The following MKLN1 variants were observed in gnomAD, a reference collection of about 807,000 sequenced individuals.
The protein encoded by MKLN1 is muskelin.
MKLN1 carries 18 observed loss-of-function variants against 99.0 expected under a neutral mutation model. The ratio of observed to expected loss-of-function variants is 0.18; its 90% confidence interval spans 0.13 to 0.27. MKLN1 has a LOEUF of 0.27. MKLN1 is among the 10% of genes least tolerant of loss of function. The pLI, the probability that MKLN1 is intolerant of heterozygous loss-of-function variation, is 1.00. For synonymous variants in MKLN1, 288 were observed against 293.2 expected, an observed-to-expected ratio of 0.98 and a Z score of 0.18; for missense variants, 621 against 875.9, an observed-to-expected ratio of 0.71 and a Z score of 3.67.
At chr7:131,201,553 C>T (rs778702298) in intron 2 of MKLN1, among the ~76,000 whole-genome samples, 1 of 152,182 alleles carries the variant, frequency 6.6e-6, no homozygotes, top group African/African-American at 2.4e-5. Flanking sequence ...AATAAGGTTA[C>T]TGGGTAATTC....
At chr7:131,445,474 T>C (rs1037333132) in intron 11 of MKLN1, among the ~76,000 whole-genome samples, 4 of 152,174 alleles carry the variant, frequency 2.6e-5, no homozygotes, top group African/African-American at 7.2e-5. Context: ...TCTCTTTCCC[T>C]CTCTCCCTCT....
intron 3 of MKLN1, among the ~76,000 whole-genome samples, chr7:131,252,984 T>C (rs1479700773): frequency 6.6e-6 from 1 of 152,144 alleles, no homozygotes; most frequent in Non-Finnish European, 1.5e-5. Context: ...AAAAGTTTAG[T>C]GTTATCAAGA....
intron 9 of MKLN1, among the ~76,000 whole-genome samples, chr7:131,433,222 C>G (rs1449992953): frequency 2.0e-5 from 3 of 152,148 alleles, no homozygotes; most frequent in Non-Finnish European, 2.9e-5. Context: ...TTAAAGAGTA[C>G]AGGGCAGTTG....
intron 16 of MKLN1, among the ~76,000 whole-genome samples, chr7:131,474,001 T>C (rs899342574): frequency 3.9e-5 from 6 of 152,028 alleles, no homozygotes; most frequent in African/African-American, 1.4e-4. Flanking sequence ...ATACAAAAAA[T>C]TGGCCGGGCA....
chr7:131,204,706 C>T (rs1796780186), intron 3 of MKLN1, among the ~76,000 whole-genome samples: 1 of 152,120 alleles, frequency 6.6e-6, no homozygotes, highest in African/African-American at 2.4e-5. Context: ...TGGCTCATGC[C>T]TGTAATCCCA....
At chr7:131,153,663 G>T (rs11464378) in intron 2 of MKLN1, among the ~76,000 whole-genome samples, 4 of 135,240 alleles carry the variant, frequency 3.0e-5, no homozygotes, top group South Asian at 2.4e-4. Flanking sequence ...GGTTTTTTTT[G>T]GTTTTTTTTT....
chr7:131,398,831 G>A (rs538895071), intron 5 of MKLN1, among the ~76,000 whole-genome samples: 222 of 152,230 alleles, frequency 1.5e-3, no homozygotes, highest in African/African-American at 5.2e-3. Flanking sequence ...ACCAAAAATA[G>A]CATAATATAA....
At chr7:131,304,144 C>A (rs750320991) in intron 3 of MKLN1, among the ~76,000 whole-genome samples, 8 of 152,012 alleles carry the variant, frequency 5.3e-5, no homozygotes, top group Non-Finnish European at 8.8e-5. Context: ...AAGGCTGAGG[C>A]GGGAGGATCT....
intron 1 of MKLN1, among the ~76,000 whole-genome samples, chr7:131,372,255 C>G (rs1208506279): frequency 6.6e-6 from 1 of 151,928 alleles, no homozygotes; most frequent in Non-Finnish European, 1.5e-5. Flanking sequence ...AGTTCTTTAG[C>G]TTTTAATTGT....
intron 2 of MKLN1, among the ~76,000 whole-genome samples, chr7:131,177,185 T>C (rs988328596): frequency 6.6e-6 from 1 of 152,112 alleles, no homozygotes; most frequent in Admixed American, 6.6e-5. Flanking sequence ...TATAAAAAGA[T>C]TGGGCAGGGC....
At chr7:131,327,789 G>T, upstream of MKLN1, 2 of 1,450,162 alleles carry the variant, frequency 1.4e-6, no homozygotes, top group East Asian at 2.5e-5. Flanking sequence ...TGCGGGGCGG[G>T]GAGCGCGGGC....
At chr7:131,262,797 C>T (rs866772039) in intron 3 of MKLN1, among the ~76,000 whole-genome samples, 1 of 152,052 alleles carries the variant, frequency 6.6e-6, no homozygotes, top group Non-Finnish European at 1.5e-5. Flanking sequence ...CCGCCCACCT[C>T]GGCCTCCCAA....
At chr7:131,307,135 A>T (rs1000900078) in intron 3 of MKLN1, among the ~76,000 whole-genome samples, 95 of 151,724 alleles carry the variant, frequency 6.3e-4, no homozygotes, top group African/African-American at 2.3e-3. Flanking sequence ...GTTGCTCCAG[A>T]GTGTGCTGCC....
chr7:131,214,774 G>A (rs1796954983), intron 3 of MKLN1, among the ~76,000 whole-genome samples: 1 of 152,098 alleles, frequency 6.6e-6, no homozygotes, highest in Non-Finnish European at 1.5e-5. Flanking sequence ...TTCAAATTGG[G>A]TTTGCATTGA....
intron 1 of MKLN1, among the ~76,000 whole-genome samples, chr7:131,347,406 G>C (rs760895794): frequency 6.6e-6 from 1 of 152,168 alleles, no homozygotes; most frequent in Non-Finnish European, 1.5e-5. Context: ...GGAGAAACCT[G>C]TATGGCAGGA....
At chr7:131,363,646 C>G (rs1205072964) in intron 1 of MKLN1, among the ~76,000 whole-genome samples, 1 of 151,770 alleles carries the variant, frequency 6.6e-6, no homozygotes, top group African/African-American at 2.4e-5. Context: ...CTTGTTTGTT[C>G]CTTTGTGAAG....
At chr7:131,219,700 G>A (rs1175715223) in intron 3 of MKLN1, among the ~76,000 whole-genome samples, 1 of 152,094 alleles carries the variant, frequency 6.6e-6, no homozygotes. Flanking sequence ...AGGAGGAAGG[G>A]TGAGGTAATT....
chr7:131,432,974 C>T (rs1386614102), intron 9 of MKLN1, among the ~76,000 whole-genome samples: 1 of 151,990 alleles, frequency 6.6e-6, no homozygotes, highest in East Asian at 1.9e-4. Flanking sequence ...CCTAGGAGAC[C>T]CCAGACCACA....
intron 9 of MKLN1, among the ~76,000 whole-genome samples, chr7:131,434,809 T>TA (rs1398906306): frequency 6.6e-6 from 1 of 152,084 alleles, no homozygotes; most frequent in Non-Finnish European, 1.5e-5. Flanking sequence ...CCTCCCACCT[T>TA]GGCCTCCCAA....
Sources: gnomAD v4.1 joint callset for allele counts (sites outside exome capture counted in the v4.1 genomes callset) on GRCh38, gnomAD v4.1.1 for gene constraint, MANE v1.5 for transcripts, NCBI Gene and HGNC (gene_info 2026-07-23, HGNC 2026-07-21) for gene names.